RNLS: variants seen among roughly 807,000 people sequenced by gnomAD.
The protein encoded by RNLS is renalase.
A neutral mutation model predicts 39.8 loss-of-function variants in RNLS; 39 were observed. The ratio of observed to expected loss-of-function variants is 0.98; its 90% confidence interval spans 0.76 to 1.28. The LOEUF is 1.28. Ranked by LOEUF, RNLS falls within the 50% of genes most tolerant of loss-of-function variation. RNLS has a pLI of 0.00. For missense variants in RNLS, 410 were observed against 413.3 expected (o/e 0.99, Z 0.07); for synonymous variants, 147 against 150.7 (o/e 0.98, Z 0.18).
the RNLS span, among the ~76,000 whole-genome samples, chr10:88,206,901 A>G: frequency 6.6e-5 from 10 of 152,166 alleles, no homozygotes; most frequent in Admixed American, 2.0e-4. Context: ...AAGTTAAGCC[A>G]GGGACTCTTT....
At chr10:88,239,905 G>A in the RNLS span, among the ~76,000 whole-genome samples, 7 of 152,244 alleles carry the variant, frequency 4.6e-5, 1 homozygote, top group Admixed American at 2.0e-4. Context: ...TAGCTGGTGG[G>A]TCCAGTGCCT....
chr10:88,374,665 C>T (rs1014193323), intron 4 of RNLS, among the ~76,000 whole-genome samples: 2 of 152,116 alleles, frequency 1.3e-5, no homozygotes, highest in Non-Finnish European at 2.9e-5. Flanking sequence ...TTTCTCCCCA[C>T]ACTTGTGAGT....
chr10:88,578,150 C>A (rs1850320242), intron 3 of RNLS, among the ~76,000 whole-genome samples: 1 of 152,180 alleles, frequency 6.6e-6, no homozygotes, highest in Admixed American at 6.5e-5. Context: ...TGGCTTACTA[C>A]TTGCTTGAAT....
rs750177154 is a variant in RNLS, at chr10:88,583,242, C to T, written c.-52G>A. The T allele has an allele frequency of 1.2e-6, 2 of 1,602,730 alleles. No individual in the cohort carries two copies. The highest frequency in any genetic ancestry group is 1.7e-6 in the Non-Finnish European group (2 of 1,176,208). On this transcript the variant is annotated 5_prime_UTR_variant, in exon 1 of 7. Transcript: ENST00000331772. ...GAGTCTCTGCGGCGGGGCCGTTCGG[C>T]CCGGGCTTTCTGGAAAGGCGGCCGA...
At chr10:88,257,186 T>A in the RNLS span, among the ~76,000 whole-genome samples, 4 of 152,290 alleles carry the variant, frequency 2.6e-5, no homozygotes, top group East Asian at 3.9e-4. Context: ...TTTGACATAG[T>A]TATGAGCTCA....
At chr10:88,209,004 T>C in the RNLS span, among the ~76,000 whole-genome samples, 8 of 152,264 alleles carry the variant, frequency 5.3e-5, no homozygotes, top group South Asian at 1.5e-3. Flanking sequence ...GAATCAGATA[T>C]GATGGCTTTA....
At position 88,573,027 on chromosome 10, in the gene RNLS, C is replaced by G. The variant is rs139294588; in HGVS notation, c.402G>C (p.Gln134His). The change falls in exon 4 of 7, where the codon CAG (glutamine) becomes CAC (histidine). Residue 134 changes from glutamine (Q) to histidine (H), a missense_variant. Transcript: ENST00000331772. ...CCCATTTGTCATCTCTTAGGTTGAT[C>G]TGTGTCACACGATGTCTGAAGTAGA... is the stretch of plus-strand genomic sequence containing the variant. ...AEVYFRHRVT[Q>H]INLRDDKWEV... 11 of 1,613,986 alleles carry G rather than the reference C, an allele frequency of 6.8e-6. No homozygotes were observed. The African/African-American group carries it at 1.3e-4, about 20-fold the overall frequency.
chr10:88,199,411 T>C, the RNLS span, among the ~76,000 whole-genome samples: 18 of 152,162 alleles, frequency 1.2e-4, no homozygotes, highest in African/African-American at 4.1e-4. Context: ...TCCCAAGCAC[T>C]GTAGGATGTT....
intron 4 of RNLS, among the ~76,000 whole-genome samples, chr10:88,381,037 A>T (rs1753853592): frequency 6.6e-6 from 1 of 152,236 alleles, no homozygotes; most frequent in South Asian, 2.1e-4. Flanking sequence ...ATTTTAATTT[A>T]TATAGCTTTT....
chr10:88,441,715 T>C (rs915691281), intron 4 of RNLS, among the ~76,000 whole-genome samples: 3 of 152,134 alleles, frequency 2.0e-5, no homozygotes, highest in South Asian at 4.1e-4. Context: ...GGGGAAGAAA[T>C]TGTTCTGTAA....
chr10:88,513,001 G>A (rs538535916), intron 4 of RNLS, among the ~76,000 whole-genome samples: 41 of 152,100 alleles, frequency 2.7e-4, no homozygotes, highest in African/African-American at 8.7e-4. Flanking sequence ...GTAAGACATC[G>A]GAAGTATCTG....
At chr10:88,429,124 C>G (rs898832766) in intron 4 of RNLS, among the ~76,000 whole-genome samples, 4 of 151,782 alleles carry the variant, frequency 2.6e-5, no homozygotes, top group African/African-American at 9.7e-5. Context: ...CAAAGTGAAA[C>G]AGGAGAAAAA....
intron 3 of RNLS, among the ~76,000 whole-genome samples, chr10:88,579,537 G>T (rs1850407934): frequency 6.6e-6 from 1 of 152,138 alleles, no homozygotes; most frequent in African/African-American, 2.4e-5. Context: ...ACTTCTGAGG[G>T]CTCCATTTTG....
chr10:88,333,904 TG>T (rs1403370371), intron 5 of RNLS, among the ~76,000 whole-genome samples: 2 of 152,000 alleles, frequency 1.3e-5, no homozygotes, highest in Non-Finnish European at 2.9e-5. Context: ...AAGGAGAGAG[TG>T]AACCCTCACC....
intron 4 of RNLS, among the ~76,000 whole-genome samples, chr10:88,546,991 G>A (rs751104093): frequency 1.3e-5 from 2 of 152,112 alleles, no homozygotes; most frequent in Non-Finnish European, 2.9e-5. Flanking sequence ...TGCATCCAAA[G>A]CAGATATCTA....
chr10:88,533,187 G>A (rs954651245), intron 4 of RNLS, among the ~76,000 whole-genome samples: 1 of 152,084 alleles, frequency 6.6e-6, no homozygotes, highest in African/African-American at 2.4e-5. Flanking sequence ...TCAAGTTAGA[G>A]TGCCAGTCAA....
At chr10:88,318,785 A>G (rs183616661) in intron 5 of RNLS, among the ~76,000 whole-genome samples, 1 of 152,340 alleles carries the variant, frequency 6.6e-6, no homozygotes, top group Admixed American at 6.5e-5. Flanking sequence ...GCCCTGTGAC[A>G]TGGTGTGATA....
At chr10:88,296,278 G>A (rs1406821865) in intron 6 of RNLS, among the ~76,000 whole-genome samples, 1 of 152,134 alleles carries the variant, frequency 6.6e-6, no homozygotes, top group Non-Finnish European at 1.5e-5. Context: ...TCCATGGTGA[G>A]TCCAGAGATA....
At chr10:88,433,852 T>C (rs1487357497) in intron 4 of RNLS, among the ~76,000 whole-genome samples, 1 of 152,162 alleles carries the variant, frequency 6.6e-6, no homozygotes, top group Non-Finnish European at 1.5e-5. Flanking sequence ...GAAATCAAAA[T>C]AATGTAATGC....
Sources: allele counts gnomAD v4.1 joint callset (sites outside exome capture counted in the v4.1 genomes callset), GRCh38; gene constraint gnomAD v4.1.1; transcripts MANE v1.5; gene names NCBI Gene and HGNC (gene_info 2026-07-23, HGNC 2026-07-21).